MAP7: variants seen among roughly 807,000 people sequenced by gnomAD.
MAP7 encodes the protein microtubule associated protein 7, also known as ensconsin.
A neutral mutation model predicts 94.8 loss-of-function variants in MAP7; 52 were observed. That is an observed-to-expected ratio of 0.55 (90% CI 0.44 to 0.69). MAP7 has a LOEUF of 0.69. Ranked by LOEUF, MAP7 falls within the 30% of genes least tolerant of loss-of-function variation. MAP7 has a pLI of 0.00. For missense variants in MAP7, 940 were observed against 964.6 expected (o/e 0.97, Z 0.34); for synonymous variants, 350 against 357.0 (o/e 0.98, Z 0.22).
intron 5 of MAP7, among the ~76,000 whole-genome samples, 186 bp from the exon 6 acceptor site, chr6:136,383,967 C>A (rs780619427): frequency 1.3e-5 from 2 of 152,176 alleles, no homozygotes; most frequent in Non-Finnish European, 2.9e-5. Context: ...AAATTCATTT[C>A]TCTTAAAGGA....
At position 136,516,164 on chromosome 6, in the gene MAP7, A is replaced by AT. The variant is rs11319446; in HGVS notation, c.67+34177dup. Among the ~76,000 whole-genome samples, 488 of 145,648 alleles carry AT rather than the reference A, an allele frequency of 3.4e-3. 1 individual carries two copies. The highest frequency in any genetic ancestry group is 3.7e-3 in the African/African-American group (148 of 40,184). ...TGGGGACATCCTTAGGGAAATGACA[A>AT]TTTTTTTTTTTTTTGAGACAAGGTC... On this transcript the variant is annotated intron_variant, in intron 1 of 17. Transcript: ENST00000354570.
chr6:136,546,084 C>G (rs558431807), intron 1 of MAP7, among the ~76,000 whole-genome samples: 31 of 152,262 alleles, frequency 2.0e-4, no homozygotes, highest in African/African-American at 7.0e-4. Flanking sequence ...GCAATCTTGG[C>G]TCACTGCAAC....
At chr6:136,534,490 C>G (rs1474167541) in intron 1 of MAP7, among the ~76,000 whole-genome samples, 1 of 152,236 alleles carries the variant, frequency 6.6e-6, no homozygotes, top group African/African-American at 2.4e-5. Context: ...GACACTTAAC[C>G]TATCAGTCAG....
rs1026625209 is a variant in MAP7, at chr6:136,476,837, A to T, written c.68-55038T>A. Among the ~76,000 whole-genome samples, 69 of 152,222 alleles carry T rather than the reference A, an allele frequency of 4.5e-4. 1 individual carries two copies. Among genetic ancestry groups the T allele is most frequent in the African/African-American group, 1.5e-3 (62 of 41,462 alleles). On this transcript the variant is annotated intron_variant, in intron 1 of 17. Transcript: ENST00000354570. ...TCAAAATATGTAATTAGCAAAAAGA[A>T]TTATAACTCATAGAATAAATATTCA...
At chr6:136,366,959 C>G (rs967393591) in intron 8 of MAP7, among the ~76,000 whole-genome samples, 6 of 152,082 alleles carry the variant, frequency 3.9e-5, no homozygotes, top group Admixed American at 3.9e-4. Flanking sequence ...ATAATGGAAT[C>G]AAGTCCTTCT....
At chr6:136,448,212 T>C (rs1279946731) in intron 1 of MAP7, among the ~76,000 whole-genome samples, 1 of 151,838 alleles carries the variant, frequency 6.6e-6, no homozygotes, top group African/African-American at 2.4e-5. Context: ...AAAAAAGAAC[T>C]GAGCTGTTTA....
intron 16 of MAP7, among the ~76,000 whole-genome samples, chr6:136,355,340 A>G (rs1414620395): frequency 6.6e-6 from 1 of 152,072 alleles, no homozygotes; most frequent in Non-Finnish European, 1.5e-5. Flanking sequence ...AATCTAATTA[A>G]AACTAAGAAA....
At chr6:136,431,321 G>A (rs181804615) in intron 1 of MAP7, among the ~76,000 whole-genome samples, 19 of 151,648 alleles carry the variant, frequency 1.3e-4, no homozygotes, top group Admixed American at 6.6e-4. Flanking sequence ...TCCCATGAGA[G>A]GCAAAACAAA....
chr6:136,383,593 T>C, intron 6 of MAP7, 78 bp downstream of exon 6: 1 of 793,220 alleles, frequency 1.3e-6, no homozygotes. Flanking sequence ...TTCAGATGCT[T>C]ATTTTTATCT....
At chr6:136,381,917 C>CAGAGAG (rs1403638806) in intron 6 of MAP7, among the ~76,000 whole-genome samples, 1 of 135,860 alleles carries the variant, frequency 7.4e-6, no homozygotes, top group African/African-American at 2.7e-5. Context: ...CACACACACA[C>CAGAGAG]ACAGAGAGAG....
At chr6:136,443,614 C>T (rs879294222) in intron 1 of MAP7, among the ~76,000 whole-genome samples, 4 of 152,028 alleles carry the variant, frequency 2.6e-5, no homozygotes, top group Non-Finnish European at 5.9e-5. Context: ...CCAGACCTAG[C>T]TAATTTTTGT....
intron 6 of MAP7, 30 bp from the exon 7 acceptor site, chr6:136,377,898 G>A: frequency 2.0e-6 from 3 of 1,510,488 alleles, no homozygotes; most frequent in Non-Finnish European, 2.8e-6. Context: ...CAAGATGTTA[G>A]AAGCATTCTT....
Position 136,421,702 on chromosome 6 carries a change from T to G in MAP7, c.165A>C (p.Pro55=). The G allele has an allele frequency of 6.2e-7, 1 of 1,613,382 alleles. No homozygotes were observed. The highest frequency in any genetic ancestry group is 8.5e-7 in the Non-Finnish European group (1 of 1,179,394). The change falls in exon 2 of 18, where the codon CCA becomes CCC. Residue 55 remains proline (P), a splice_region_variant and synonymous_variant. Coordinates refer to ENST00000354570, the MANE Select transcript of MAP7 (RefSeq NM_003980.6). ...CACAGTTAATGCAATGCATCATACCTGGTTTATTTCCTGAGTGGTTGTTAT... is the reference window on the plus strand; with the variant it reads ...CACAGTTAATGCAATGCATCATACCGGGTTTATTTCCTGAGTGGTTGTTAT... ...GQNNNHSGNK[P]DPPPVLRVDD... is the part of the protein sequence containing the mutation.
Position 136,344,157 on chromosome 6 carries a change from A to G in MAP7, c.*71T>C, listed in dbSNP as rs181931810. The G allele has an allele frequency of 1.5e-4, 115 of 774,074 alleles. No individual in the cohort carries two copies. In the African/African-American group the frequency reaches 2.0e-3, roughly 13 times the overall value. 48.0% of individuals were successfully genotyped at this position (774,074 alleles called of 1,614,324 possible). ...ACGGGTGGAGGGGATGCTCCTTTAT[A>G]GCAGGAAAGGAATTCCATTAATTGT... On this transcript the variant is annotated 3_prime_UTR_variant, in exon 18 of 18. Coordinates refer to ENST00000354570, the MANE Select transcript of MAP7 (RefSeq NM_003980.6).
intron 1 of MAP7, among the ~76,000 whole-genome samples, chr6:136,473,193 T>C (rs1809631829): frequency 6.6e-6 from 1 of 152,208 alleles, no homozygotes; most frequent in Non-Finnish European, 1.5e-5. Context: ...CAAACAGAAG[T>C]GCTCGTCTTC....
chr6:136,414,252 C>CAAAAAAAAAAAAAA (rs559869492), intron 2 of MAP7, among the ~76,000 whole-genome samples: 265 of 15,938 alleles, frequency 0.017, 38 homozygotes, highest in East Asian at 0.023. Context: ...GACTCCGTCT[C>CAAAAAAAAAAAAAA]AAAAAAAAAA....
chr6:136,394,364 G>A (rs530357342), intron 3 of MAP7, among the ~76,000 whole-genome samples: 1 of 152,226 alleles, frequency 6.6e-6, no homozygotes, highest in African/African-American at 2.4e-5. Context: ...TTTAGTGGCT[G>A]TATGGTATTT....
chr6:136,417,914 G>T (rs1195981504), intron 2 of MAP7, among the ~76,000 whole-genome samples: 1 of 152,206 alleles, frequency 6.6e-6, no homozygotes, highest in Non-Finnish European at 1.5e-5. Context: ...CAAAGGGATA[G>T]GAATTCAGAA....
intron 1 of MAP7, among the ~76,000 whole-genome samples, chr6:136,482,733 A>T (rs1813291602): frequency 6.6e-6 from 1 of 152,126 alleles, no homozygotes; most frequent in South Asian, 2.1e-4. Flanking sequence ...CTCTTACAAG[A>T]CCATTCCAGC....
Sources: allele counts gnomAD v4.1 joint callset (sites outside exome capture counted in the v4.1 genomes callset), GRCh38; gene constraint gnomAD v4.1.1; transcripts MANE v1.5; gene names NCBI Gene and HGNC (gene_info 2026-07-23, HGNC 2026-07-21).